NECAB2: variants seen among roughly 807,000 people sequenced by gnomAD.
NECAB2 encodes the protein N-terminal EF-hand calcium-binding protein 2.
NECAB2 carries 68 observed loss-of-function variants against 51.9 expected under a neutral mutation model. The ratio of observed to expected loss-of-function variants is 1.31; its 90% confidence interval spans 1.08 to 1.60. NECAB2 has a LOEUF of 1.60. Among genes scored for constraint, NECAB2 ranks in the 40% most tolerant of loss-of-function variants. The pLI is 0.00. For synonymous variants in NECAB2, 329 were observed against 203.5 expected, an observed-to-expected ratio of 1.62 and a Z score of -5.25; for missense variants, 854 against 490.3, an observed-to-expected ratio of 1.74 and a Z score of -7.00.
At chr16:83,987,721 C>A (rs931797866) in intron 5 of NECAB2, among the ~76,000 whole-genome samples, 5 of 150,784 alleles carry the variant, frequency 3.3e-5, no homozygotes, top group African/African-American at 1.2e-4. Flanking sequence ...CAAGTTTTTG[C>A]TATTATGAGT....
intron 1 of NECAB2, 114 bp from the exon 2 acceptor site, chr16:83,972,037 C>T (rs1275064709): frequency 6.9e-7 from 1 of 1,442,918 alleles, no homozygotes; most frequent in South Asian, 1.2e-5. Flanking sequence ...CTCAGCTTCC[C>T]AGGACCCTAA....
chr16:83,990,337 G>T (rs2084606207), intron 5 of NECAB2, among the ~76,000 whole-genome samples, 157 bp from the exon 6 acceptor site: 1 of 152,176 alleles, frequency 6.6e-6, no homozygotes, highest in South Asian at 2.1e-4. Context: ...AAATGCTACA[G>T]CCTCTAAGAC....
At chr16:83,991,647 C>T (rs1358869225) in intron 6 of NECAB2, among the ~76,000 whole-genome samples, 1 of 150,392 alleles carries the variant, frequency 6.6e-6, no homozygotes, top group African/African-American at 2.4e-5. Flanking sequence ...GCCATGGAGC[C>T]CGGCCTTATT....
intron 5 of NECAB2, among the ~76,000 whole-genome samples, chr16:83,986,547 G>A (rs371008559): frequency 6.6e-6 from 1 of 151,918 alleles, no homozygotes; most frequent in Non-Finnish European, 1.5e-5. Flanking sequence ...GGGTCTTGTT[G>A]TGTTGCCCAG....
rs60762077 is a variant in NECAB2 at position 83,990,927 on chromosome 16, C to A, written c.596+297C>A. Among the ~76,000 whole-genome samples, 1,085 of 152,252 alleles carry A rather than the reference C, an allele frequency of 7.1e-3. 9 individuals carry two copies. Among genetic ancestry groups the A allele is most frequent in the African/African-American group, 0.024 (1,001 of 41,544 alleles). On this transcript the variant is annotated intron_variant, in intron 6 of 12. Transcript: ENST00000305202. ...CAGACTCTAATTTGTTTTGCTGCAT[C>A]CACATGCTAATTGTTTATGCAGAAC...
chr16:83,998,116 C>A (rs371564407), intron 9 of NECAB2, 89 bp from the exon 10 acceptor site: 25 of 1,131,992 alleles, frequency 2.2e-5, no homozygotes, highest in South Asian at 2.2e-4. Context: ...TTATTTTGAC[C>A]GAGGAAGGGA....
chr16:83,972,620 C>T (rs955154407), intron 2 of NECAB2, among the ~76,000 whole-genome samples: 1 of 152,232 alleles, frequency 6.6e-6, no homozygotes, highest in African/African-American at 2.4e-5. Flanking sequence ...GCTCTTGCCT[C>T]TGTTGACACC....
chr16:83,985,444 C>G (rs536451671), intron 5 of NECAB2, among the ~76,000 whole-genome samples: 9 of 150,870 alleles, frequency 6.0e-5, no homozygotes, highest in African/African-American at 1.9e-4. Context: ...ACAAGCCTGG[C>G]CAACATGGTG....
intron 5 of NECAB2, among the ~76,000 whole-genome samples, chr16:83,982,836 T>C (rs1275309970): frequency 2.6e-5 from 4 of 152,112 alleles, no homozygotes. Flanking sequence ...GCATCCGTGA[T>C]TGGCATTTCC....
intron 5 of NECAB2, among the ~76,000 whole-genome samples, chr16:83,983,979 CATAT>C (rs142430669): frequency 6.9e-6 from 1 of 145,698 alleles, no homozygotes; most frequent in African/African-American, 2.6e-5. Flanking sequence ...TTGTAAAATA[CATAT>C]ATATATATGG....
At chr16:83,995,854 G>A (rs548270438) in intron 8 of NECAB2, among the ~76,000 whole-genome samples, 91 of 152,324 alleles carry the variant, frequency 6.0e-4, no homozygotes, top group African/African-American at 1.9e-3. Context: ...GCCAGCTGCG[G>A]GAGCGGCTCG....
chr16:84,002,564 T>C lies in NECAB2; in HGVS notation c.*218T>C. 1 of 631,638 alleles carries C rather than the reference T, an allele frequency of 1.6e-6. No individual in the cohort carries two copies. The allele number at this position is 631,638 out of a possible 1,614,324, so 39.1% of individuals were successfully genotyped here. A position where few individuals can be genotyped will look rare whatever the true frequency, so the allele number is the denominator to read the frequency against. On this transcript the variant is annotated 3_prime_UTR_variant, in exon 13 of 13. Transcript: ENST00000305202. ...TGCCAGGTCCTGGTGAAGCCCAAGG[T>C]TGAAGGGGGCGGCTTCCTGGAGCCA...
Position 83,987,296 on chromosome 16 carries a change from C to T in NECAB2, c.460-3198C>T, listed in dbSNP as rs1473123977. On this transcript the variant is annotated intron_variant, in intron 5 of 12. Transcript: ENST00000305202. ...TTTATTATTATCTAATGTATCTGTT[C>T]TGTGAGACAGTGGTTAGCTAATTTC... 3.3e-5 allele frequency among the ~76,000 whole-genome samples: 5 copies of T among 152,144 alleles called. No individual in the cohort carries two copies. The East Asian group carries it at 9.6e-4, about 29-fold the overall frequency.
chr16:84,001,981 G>T (rs550404112), intron 12 of NECAB2, 65 bp downstream of exon 12: 1 of 1,538,838 alleles, frequency 6.5e-7, no homozygotes, highest in Non-Finnish European at 8.9e-7. Flanking sequence ...GAGCCTAGAG[G>T]CTGCCCCATA....
intron 9 of NECAB2, among the ~76,000 whole-genome samples, chr16:83,997,725 C>G (rs557107379): frequency 1.3e-5 from 2 of 151,986 alleles, no homozygotes; most frequent in Admixed American, 1.3e-4. Context: ...AAACTCCTAT[C>G]CTCATGATCT....
chr16:83,967,129 C>T (rs2084289708), upstream of NECAB2, among the ~76,000 whole-genome samples: 1 of 152,172 alleles, frequency 6.6e-6, no homozygotes, highest in African/African-American at 2.4e-5. Flanking sequence ...TCTTTGGCTC[C>T]CCAAAGTGTT....
intron 2 of NECAB2, among the ~76,000 whole-genome samples, chr16:83,974,533 G>A (rs948396377): frequency 3.9e-5 from 6 of 152,152 alleles, no homozygotes; most frequent in Non-Finnish European, 7.4e-5. Flanking sequence ...GTCACTGAAC[G>A]TCTGTTATGC....
chr16:83,977,566 TCCCTCCACAGAGC>T (rs1234659824), intron 2 of NECAB2, among the ~76,000 whole-genome samples: 2 of 151,880 alleles, frequency 1.3e-5, no homozygotes, highest in Non-Finnish European at 2.9e-5. Flanking sequence ...GTCCCACCCA[TCCCTCCACAGAGC>T]CCCTCCACAG....
At chr16:83,967,868 G>T (rs533794976), upstream of NECAB2, among the ~76,000 whole-genome samples, 1 of 148,664 alleles carries the variant, frequency 6.7e-6, no homozygotes, top group Admixed American at 6.7e-5. Context: ...ATGGATGGAT[G>T]AATGGTTGGG....
Sources: allele counts gnomAD v4.1 joint callset (sites outside exome capture counted in the v4.1 genomes callset), GRCh38; gene constraint gnomAD v4.1.1; transcripts MANE v1.5; gene names NCBI Gene and HGNC (gene_info 2026-07-23, HGNC 2026-07-21).